Variants in CGNL1 observed in about 807,000 individuals in gnomAD.
CGNL1 encodes cingulin like 1.
CGNL1 carries 132 observed loss-of-function variants against 141.2 expected under a neutral mutation model. That is an observed-to-expected ratio of 0.93 (90% confidence interval 0.81 to 1.08). The LOEUF (loss-of-function observed/expected upper bound fraction) is 1.08. CGNL1 is among the 50% of genes least tolerant of loss of function. CGNL1 has a pLI of 0.00. For missense variants in CGNL1, 1,870 were observed against 1,588.6 expected (o/e 1.18, Z -3.01); for synonymous variants, 690 against 622.1 (o/e 1.11, Z -1.63).
At chr15:57,463,156 T>C (rs188755781) in intron 8 of CGNL1, among the ~76,000 whole-genome samples, 96 of 152,258 alleles carry the variant, frequency 6.3e-4, no homozygotes, top group African/African-American at 2.2e-3. Flanking sequence ...TTAAGGGCAG[T>C]TGAGAATAGT....
intron 1 of CGNL1, among the ~76,000 whole-genome samples, chr15:57,412,284 CT>C (rs1443317952): frequency 6.6e-6 from 1 of 152,212 alleles, no homozygotes; most frequent in East Asian, 1.9e-4. Flanking sequence ...AGCAGGGAGC[CT>C]TTTATCCTCA....
intron 7 of CGNL1, among the ~76,000 whole-genome samples, chr15:57,457,318 G>A (rs1235715675): frequency 6.6e-6 from 1 of 152,198 alleles, no homozygotes; most frequent in Non-Finnish European, 1.5e-5. Context: ...TTCTCAGTGC[G>A]CATGGTCGTG....
intron 14 of CGNL1, among the ~76,000 whole-genome samples, chr15:57,535,807 C>T (rs149149979): frequency 3.3e-5 from 5 of 152,166 alleles, no homozygotes; most frequent in East Asian, 3.9e-4. Flanking sequence ...GGAGAAGGGG[C>T]GACTGAGAGG....
intron 8 of CGNL1, among the ~76,000 whole-genome samples, chr15:57,495,427 C>T (rs2063924030): frequency 6.6e-6 from 1 of 152,136 alleles, no homozygotes; most frequent in African/African-American, 2.4e-5. Flanking sequence ...TCAAGTATTC[C>T]TCATGGTTAT....
Position 57,452,223 on chromosome 15 carries a change from A to T in CGNL1, c.1988A>T (p.Glu663Val). 1 of 1,614,044 alleles carries T rather than the reference A, an allele frequency of 6.2e-7. No individual in the cohort carries two copies. Among genetic ancestry groups the T allele is most frequent in the African/African-American group, 1.3e-5 (1 of 75,032 alleles). ...ELRSQHNEKV[E>V]ENSTLQQRLE... ...CGAAGCCAACACAACGAAAAGGTGGAGGAGAACTCCACATTGCAGCAACGA... is the reference window on the plus strand; with the variant it reads ...CGAAGCCAACACAACGAAAAGGTGGTGGAGAACTCCACATTGCAGCAACGA... Residue 663 changes from glutamate to valine, a missense_variant, in exon 6 of 19, where the codon GAG (glutamate) becomes GTG (valine). Transcript: ENST00000281282.
chr15:57,490,623 A>G (rs556401033), intron 8 of CGNL1, among the ~76,000 whole-genome samples: 8 of 152,330 alleles, frequency 5.3e-5, no homozygotes, highest in South Asian at 2.1e-4. Context: ...CTTCTGGAAG[A>G]GTTCCAAATA....
chr15:57,539,042 C>T (rs1353901423), intron 14 of CGNL1, among the ~76,000 whole-genome samples: 1 of 152,138 alleles, frequency 6.6e-6, no homozygotes, highest in East Asian at 1.9e-4. Flanking sequence ...GCCCAGCGCC[C>T]AGCTTGAGGG....
intron 8 of CGNL1, among the ~76,000 whole-genome samples, chr15:57,486,307 T>C (rs1322959031): frequency 6.6e-6 from 1 of 152,182 alleles, no homozygotes; most frequent in Non-Finnish European, 1.5e-5. Flanking sequence ...CATGACTTTG[T>C]TTCTCTTTGT....
rs12910071 is a variant in CGNL1 at position 57,383,460 on chromosome 15, G to A, written c.-16+6893G>A. 4.4e-3 allele frequency among the ~76,000 whole-genome samples: 665 copies of A among 151,706 alleles called. 3 individuals are homozygous for A. The highest frequency in any genetic ancestry group is 6.9e-3 in the Non-Finnish European group (470 of 67,924). On this transcript the variant is annotated intron_variant, in intron 1 of 18. Transcript: ENST00000281282. ...ACTACAGGCACGTGCCACGACGCCC[G>A]GCTAATTTTTTGTATTTTTAGTAGA...
chr15:57,541,089 C>CG (rs2032540170), intron 14 of CGNL1, among the ~76,000 whole-genome samples: 1 of 152,222 alleles, frequency 6.6e-6, no homozygotes, highest in African/African-American at 2.4e-5. Context: ...TTGGCCAGCT[C>CG]GGGGGCCCTT....
intron 14 of CGNL1, among the ~76,000 whole-genome samples, chr15:57,533,991 C>T (rs1204157129): frequency 1.3e-5 from 2 of 152,220 alleles, no homozygotes; most frequent in African/African-American, 4.8e-5. Flanking sequence ...GGGAGAGTCC[C>T]AGCCTCTCTG....
At chr15:57,423,462 C>T (rs1263876816) in intron 1 of CGNL1, among the ~76,000 whole-genome samples, 2 of 151,934 alleles carry the variant, frequency 1.3e-5, no homozygotes, top group African/African-American at 2.4e-5. Flanking sequence ...TTAATTTCTG[C>T]ATGATTAACA....
At chr15:57,389,450 A>G (rs1024263232) in intron 1 of CGNL1, among the ~76,000 whole-genome samples, 1 of 152,242 alleles carries the variant, frequency 6.6e-6, no homozygotes, top group Admixed American at 6.5e-5. Context: ...TTAACCCAGG[A>G]TAGTAAATGA....
At chr15:57,378,137 C>G (rs2062384971) in intron 1 of CGNL1, among the ~76,000 whole-genome samples, 1 of 152,144 alleles carries the variant, frequency 6.6e-6, no homozygotes, top group African/African-American at 2.4e-5. Context: ...AGAAGTAGGA[C>G]TAAGGAAAAT....
chr15:57,466,547 ATTGTTGGCAATT>A (rs1230536202), intron 8 of CGNL1, among the ~76,000 whole-genome samples: 4 of 152,064 alleles, frequency 2.6e-5, no homozygotes, highest in Non-Finnish European at 4.4e-5. Context: ...GAGACCTGGT[ATTGTTGGCAATT>A]TTGCTCCGGG....
chr15:57,504,804 G>A (rs577421384), intron 8 of CGNL1, among the ~76,000 whole-genome samples: 1 of 152,326 alleles, frequency 6.6e-6, no homozygotes, highest in South Asian at 2.1e-4. Context: ...CTTCAAGGGG[G>A]CAGGGAAGCA....
chr15:57,452,058 G>A (rs2063328294), intron 5 of CGNL1, 83 bp from the exon 6 acceptor site: 1 of 1,236,302 alleles, frequency 8.1e-7, no homozygotes, highest in African/African-American at 1.5e-5. Context: ...AAGATATGGA[G>A]TCTGCTTGTT....
In CGNL1 at chr15:57,462,840, G is replaced by A. The variant is rs553578643; in HGVS notation, c.2403+948G>A. ...TTGGGGTTATTACAACTTGGAGACC[G>A]TTTTTAAAAGCCTCTTGTTGATTTC... On this transcript the variant is annotated intron_variant, in intron 8 of 18. Coordinates refer to ENST00000281282, the MANE Select transcript of CGNL1 (RefSeq NM_032866.5). Among the ~76,000 whole-genome samples, 7 of 152,248 alleles carry A rather than the reference G, an allele frequency of 4.6e-5. 1 individual carries two copies. Among genetic ancestry groups the A allele is most frequent in the African/African-American group, 1.2e-4 (5 of 41,542 alleles).
intron 1 of CGNL1, among the ~76,000 whole-genome samples, chr15:57,400,067 C>G (rs1820283558): frequency 6.6e-6 from 1 of 151,148 alleles, no homozygotes; most frequent in Non-Finnish European, 1.5e-5. Flanking sequence ...AATCAAAGCT[C>G]ACTGCAGCTT....
Sources: allele counts gnomAD v4.1 joint callset (sites outside exome capture counted in the v4.1 genomes callset), GRCh38; gene constraint gnomAD v4.1.1; transcripts MANE v1.5; gene names NCBI Gene and HGNC (gene_info 2026-07-23, HGNC 2026-07-21).